NEK1: variants seen among roughly 807,000 people sequenced by gnomAD.
The protein encoded by NEK1 is NIMA related kinase 1.
In NEK1, 137 loss-of-function variants were observed where a neutral mutation model predicts 182.1. That is an observed-to-expected ratio of 0.75 (90% CI 0.65 to 0.87). NEK1 has a LOEUF of 0.87. NEK1 is among the 40% of genes least tolerant of loss of function. NEK1 has a pLI of 0.00. For synonymous variants in NEK1, 513 were observed against 492.2 expected, an observed-to-expected ratio of 1.04 and a Z score of -0.56; for missense variants, 1,391 against 1,494.4, an observed-to-expected ratio of 0.93 and a Z score of 1.14.
Position 169,588,627 on chromosome 4 carries a change from T to C in NEK1, c.551+22A>G. 2 of 1,400,680 alleles carry C rather than the reference T, an allele frequency of 1.4e-6. 1 individual carries two copies. Among genetic ancestry groups the C allele is most frequent in the Middle Eastern group, 3.5e-4 (2 of 5,666 alleles). The allele number at this position is 1,400,680 out of a possible 1,614,324, so 86.8% of individuals were successfully genotyped here. On this transcript the variant is annotated intron_variant, in intron 8 of 35. Transcript: ENST00000507142. ...AAAAATTGAAAGCAAATACATCACA[T>C]AATGAATATCATTTTAAATACCTTT...
At chr4:169,436,446 A>G (rs935401427) in intron 28 of NEK1, among the ~76,000 whole-genome samples, 10 of 152,206 alleles carry the variant, frequency 6.6e-5, no homozygotes, top group Non-Finnish European at 1.5e-4. Flanking sequence ...ACGGTGGCTG[A>G]AAATTTGGTA....
chr4:169,415,707 G>A (rs1734430216), intron 31 of NEK1, among the ~76,000 whole-genome samples: 1 of 152,154 alleles, frequency 6.6e-6, no homozygotes, highest in Admixed American at 6.5e-5. Flanking sequence ...CTGATGAATG[G>A]TGGCAATCAA....
Position 169,401,707 on chromosome 4 carries a change from T to C in NEK1, c.3528A>G (p.Ala1176=), listed in dbSNP as rs755006112. The change falls in exon 33 of 36, where the codon GCA becomes GCG. Residue 1176 remains alanine, a synonymous_variant. Coordinates refer to ENST00000507142, the MANE Select transcript of NEK1 (RefSeq NM_001199397.3). ...CACTGCTGGGATTGTCATCTTCATC[T>C]GCCACATCTGTCCCATTTGCAGTTG... ...VEPTANGTDV[A]DEDDNPSSES... 6.2e-7 allele frequency: 1 copy of C among 1,613,966 alleles called. No individual in the cohort carries two copies.
At chr4:169,607,447 A>G (rs1282543222) in intron 2 of NEK1, among the ~76,000 whole-genome samples, 32 of 152,236 alleles carry the variant, frequency 2.1e-4, no homozygotes, top group East Asian at 1.9e-4. Context: ...TCAACAAAGA[A>G]TTAAAATTTT....
intron 9 of NEK1, among the ~76,000 whole-genome samples, 155 bp downstream of exon 9, chr4:169,587,404 T>A (rs1167968291): frequency 6.6e-6 from 1 of 151,906 alleles, no homozygotes; most frequent in Non-Finnish European, 1.5e-5. Context: ...GAAATCGATT[T>A]ATACTTCAGA....
chr4:169,582,520 C>T (rs1028345955), intron 10 of NEK1, among the ~76,000 whole-genome samples: 2 of 152,154 alleles, frequency 1.3e-5, no homozygotes, highest in South Asian at 2.1e-4. Flanking sequence ...ACCATGTGAA[C>T]GTGTGTTCTC....
chr4:169,528,038 TA>T (rs915651433), intron 19 of NEK1, among the ~76,000 whole-genome samples: 5 of 151,994 alleles, frequency 3.3e-5, no homozygotes, highest in African/African-American at 9.6e-5. Context: ...TATAATACTA[TA>T]AAAAAAATTA....
intron 23 of NEK1, among the ~76,000 whole-genome samples, chr4:169,495,098 G>T (rs1017651385): frequency 1.3e-5 from 2 of 151,982 alleles, no homozygotes; most frequent in Non-Finnish European, 1.5e-5. Flanking sequence ...ATTTTAATTA[G>T]ATCCCATTTG....
At chr4:169,545,909 A>G (rs1230805538) in intron 18 of NEK1, among the ~76,000 whole-genome samples, 3 of 152,224 alleles carry the variant, frequency 2.0e-5, no homozygotes, top group African/African-American at 7.2e-5. Flanking sequence ...AAACCACCCA[A>G]GGAAATAAAA....
At chr4:169,461,130 T>C (rs1341200372) in intron 27 of NEK1, among the ~76,000 whole-genome samples, 1 of 152,190 alleles carries the variant, frequency 6.6e-6, no homozygotes, top group African/African-American at 2.4e-5. Flanking sequence ...TATCCATTGT[T>C]GCTGAGCAAG....
At chr4:169,468,636 ATTAG>A (rs1338140415) in intron 26 of NEK1, among the ~76,000 whole-genome samples, 1 of 152,204 alleles carries the variant, frequency 6.6e-6, no homozygotes, top group Non-Finnish European at 1.5e-5. Flanking sequence ...GTCTCATAAA[ATTAG>A]TTAGGGAGGA....
At chr4:169,490,182 T>C (rs1039326625) in intron 23 of NEK1, among the ~76,000 whole-genome samples, 9 of 152,132 alleles carry the variant, frequency 5.9e-5, no homozygotes. Flanking sequence ...ATTACTCAAA[T>C]TGATTACAAC....
chr4:169,496,246 T>C (rs201313184), intron 23 of NEK1, among the ~76,000 whole-genome samples: 16,700 of 152,088 alleles, frequency 0.11, 1,006 homozygotes, highest in East Asian at 0.17. Flanking sequence ...TTTTTGCACA[T>C]TGATTTTGTA....
At chr4:169,566,976 T>C (rs1273474903) in intron 12 of NEK1, among the ~76,000 whole-genome samples, 1 of 151,906 alleles carries the variant, frequency 6.6e-6, no homozygotes, top group Non-Finnish European at 1.5e-5. Flanking sequence ...GCACATGTAG[T>C]CCCAGCTACT....
chr4:169,555,378 A>G, intron 18 of NEK1: 1 of 272,832 alleles, frequency 3.7e-6, no homozygotes, highest in Non-Finnish European at 7.1e-6. Context: ...GGTTCTGCAT[A>G]AAGTGTGATT....
chr4:169,533,228 T>G (rs949129734), intron 19 of NEK1, among the ~76,000 whole-genome samples: 1 of 152,206 alleles, frequency 6.6e-6, no homozygotes, highest in Non-Finnish European at 1.5e-5. Flanking sequence ...CCTGAGCCTT[T>G]TAAAATCATA....
At chr4:169,451,705 C>A (rs989033528) in intron 27 of NEK1, among the ~76,000 whole-genome samples, 1 of 151,840 alleles carries the variant, frequency 6.6e-6, no homozygotes, top group African/African-American at 2.4e-5. Context: ...AAATTGACAC[C>A]CTAACATCAC....
At chr4:169,481,205 C>T (rs1747937180) in intron 23 of NEK1, among the ~76,000 whole-genome samples, 1 of 152,222 alleles carries the variant, frequency 6.6e-6, no homozygotes, top group African/African-American at 2.4e-5. Context: ...TCTACACTGA[C>T]TTCCTCCACT....
intron 28 of NEK1, among the ~76,000 whole-genome samples, chr4:169,435,465 C>T (rs1479451231): frequency 6.6e-6 from 1 of 152,104 alleles, no homozygotes; most frequent in African/African-American, 2.4e-5. Context: ...ATTTAAGTTA[C>T]TGTGGTGAAT....
Sources: allele counts gnomAD v4.1 joint callset (sites outside exome capture counted in the v4.1 genomes callset), GRCh38; gene constraint gnomAD v4.1.1; transcripts MANE v1.5; gene names NCBI Gene and HGNC (gene_info 2026-07-23, HGNC 2026-07-21).